Variants in ACOXL observed in about 807,000 individuals in gnomAD.
The protein encoded by ACOXL is acyl-coenzyme A oxidase-like protein.
Under a neutral mutation model 71.9 loss-of-function variants are expected in ACOXL, and 70 were observed. That is an observed-to-expected ratio of 0.97 (90% CI 0.80 to 1.19). The LOEUF is 1.19. ACOXL is among the 50% of genes most tolerant of loss of function. ACOXL has a pLI of 0.00. For missense variants in ACOXL, 703 were observed against 736.3 expected, an observed-to-expected ratio of 0.95 and a Z score of 0.52; for synonymous variants, 253 against 281.6, an observed-to-expected ratio of 0.90 and a Z score of 1.02.
chr2:110,856,143 C>G (rs979097345), intron 10 of ACOXL, among the ~76,000 whole-genome samples: 3 of 152,130 alleles, frequency 2.0e-5, no homozygotes, highest in Non-Finnish European at 2.9e-5. Context: ...GTGCATTTTA[C>G]AATCCGAGCT....
chr2:110,774,419 T>A (rs1682382995), intron 2 of ACOXL, among the ~76,000 whole-genome samples: 1 of 152,192 alleles, frequency 6.6e-6, no homozygotes. Flanking sequence ...CAGGATCTTT[T>A]ATGTAGAAAA....
intron 16 of ACOXL, among the ~76,000 whole-genome samples, chr2:111,085,892 G>T (rs576577731): frequency 6.6e-6 from 1 of 152,064 alleles, no homozygotes; most frequent in South Asian, 2.1e-4. Flanking sequence ...TGTTACCACC[G>T]ACTCCACAGA....
chr2:110,961,849 A>T (rs1337290979), intron 12 of ACOXL, among the ~76,000 whole-genome samples: 1 of 152,202 alleles, frequency 6.6e-6, no homozygotes, highest in Non-Finnish European at 1.5e-5. Context: ...ACTACCCTTC[A>T]TAAAACCATC....
At chr2:111,003,550 C>CAAAAAAAAAAAAAAAAAAAAAAAA (rs548001377) in intron 14 of ACOXL, among the ~76,000 whole-genome samples, 3 of 35,336 alleles carry the variant, frequency 8.5e-5, no homozygotes, top group East Asian at 1.2e-3. Context: ...GACTCTGTCT[C>CAAAAAAAAAAAAAAAAAAAAAAAA]AAAAAAAAAA....
At chr2:111,020,810 A>G (rs113890005) in intron 14 of ACOXL, among the ~76,000 whole-genome samples, 1,613 of 152,210 alleles carry the variant, frequency 0.011, 16 homozygotes, top group South Asian at 0.04. Context: ...TTGGAGCCAT[A>G]TTTATTTGGG....
At chr2:110,885,445 T>A (rs542715620) in intron 10 of ACOXL, among the ~76,000 whole-genome samples, 2 of 152,222 alleles carry the variant, frequency 1.3e-5, no homozygotes, top group Non-Finnish European at 2.9e-5. Context: ...TTGTTTTTGT[T>A]TAGTCACCAC....
At chr2:110,803,489 C>A (rs1686243157) in intron 8 of ACOXL, among the ~76,000 whole-genome samples, 1 of 151,858 alleles carries the variant, frequency 6.6e-6, no homozygotes, top group Non-Finnish European at 1.5e-5. Flanking sequence ...TGAAGTTGGA[C>A]CTTTACTGCC....
chr2:110,912,502 C>A (rs2059683763), intron 11 of ACOXL, among the ~76,000 whole-genome samples: 1 of 152,020 alleles, frequency 6.6e-6, no homozygotes, highest in Non-Finnish European at 1.5e-5. Flanking sequence ...GATGCTAAGA[C>A]AATTCAATGA....
At position 111,076,628 on chromosome 2, in the gene ACOXL, TTTCTC is replaced by T. The variant is rs201711387; in HGVS notation, c.1441-16232_1441-16228del. Among the ~76,000 whole-genome samples, 299 of 152,338 alleles carry T rather than the reference TTTCTC, an allele frequency of 2.0e-3. 4 individuals are homozygous for T. The East Asian group carries it at 0.047, about 24-fold the overall frequency. On this transcript the variant is annotated intron_variant, in intron 16 of 17. Transcript: ENST00000439055. ...GTCTGTCATTTTATTTGTTTTCTGT[TTTCTC>T]TTCTTTTCATTCCTCCATTTCCTCT... is the stretch of plus-strand genomic sequence containing the variant.
intron 17 of ACOXL, among the ~76,000 whole-genome samples, chr2:111,102,714 G>C (rs1313939506): frequency 6.6e-6 from 1 of 152,020 alleles, no homozygotes; most frequent in East Asian, 1.9e-4. Context: ...ATGCAGTTAA[G>C]GATAGTGGAT....
intron 12 of ACOXL, among the ~76,000 whole-genome samples, chr2:110,984,339 A>G (rs2062840995): frequency 6.6e-6 from 1 of 152,156 alleles, no homozygotes; most frequent in South Asian, 2.1e-4. Flanking sequence ...AAACAAGCAC[A>G]TCTTCATTGC....
intron 9 of ACOXL, among the ~76,000 whole-genome samples, chr2:110,832,544 C>CAAAAA (rs769471148): frequency 1.4e-4 from 6 of 44,274 alleles, no homozygotes; most frequent in Non-Finnish European, 2.4e-4. Context: ...GACTCCATCT[C>CAAAAA]AAAAAAAAAA....
At chr2:110,936,411 G>A (rs930838045) in intron 12 of ACOXL, among the ~76,000 whole-genome samples, 6 of 152,018 alleles carry the variant, frequency 3.9e-5, no homozygotes, top group South Asian at 4.1e-4. Context: ...GACTACAGGC[G>A]CATACCACTA....
At chr2:110,882,115 A>G (rs1287210863) in intron 10 of ACOXL, among the ~76,000 whole-genome samples, 1 of 152,048 alleles carries the variant, frequency 6.6e-6, no homozygotes, top group Admixed American at 6.5e-5. Flanking sequence ...GTTGCTCCAC[A>G]CTCTCAACAA....
chr2:110,794,109 G>A lies in ACOXL; in HGVS notation c.280G>A (p.Glu94Lys), dbSNP rs369304472. 4.5e-5 allele frequency: 72 copies of A among 1,614,162 alleles called. 1 individual carries two copies. The highest frequency in any genetic ancestry group is 3.1e-4 in the African/African-American group (23 of 75,050). Residue 94 changes from glutamate (E) to lysine (K), a missense_variant, in exon 5 of 18, where the codon GAG (glutamate) becomes AAG (lysine). Coordinates refer to ENST00000439055, the MANE Select transcript of ACOXL (RefSeq NM_001142807.4). ...ATACACTGGGATGTTTGCAATGACCGAGAGGGGCCATGGGAGCAACGCGAG... is the reference window on the plus strand; with the variant it reads ...ATACACTGGGATGTTTGCAATGACCAAGAGGGGCCATGGGAGCAACGCGAG... Reference protein sequence around the residue: ...QKYTGMFAMTERGHGSNARGI... With the variant: ...QKYTGMFAMTKRGHGSNARGI...
chr2:111,093,776 A>C, intron 17 of ACOXL: 1 of 396,106 alleles, frequency 2.5e-6, no homozygotes, highest in Non-Finnish European at 4.6e-6. Flanking sequence ...AGGCACGAGA[A>C]TCGCTTGAGC....
intron 10 of ACOXL, among the ~76,000 whole-genome samples, chr2:110,881,969 C>T (rs1696705883): frequency 1.3e-5 from 2 of 151,914 alleles, no homozygotes; most frequent in African/African-American, 4.8e-5. Context: ...GGGACATATG[C>T]TATCTTTTCT....
chr2:110,781,675 A>G (rs1431836529), intron 2 of ACOXL, among the ~76,000 whole-genome samples: 1 of 151,908 alleles, frequency 6.6e-6, no homozygotes, highest in African/African-American at 2.4e-5. Flanking sequence ...ATATAAAAAA[A>G]GAAAAAAAAG....
At chr2:110,820,794 G>A (rs758629149) in intron 9 of ACOXL, among the ~76,000 whole-genome samples, 33 of 152,182 alleles carry the variant, frequency 2.2e-4, no homozygotes, top group Non-Finnish European at 4.0e-4. Flanking sequence ...CCCAGATTTG[G>A]AAATTCACCA....
Sources: allele counts gnomAD v4.1 joint callset (sites outside exome capture counted in the v4.1 genomes callset), GRCh38; gene constraint gnomAD v4.1.1; transcripts MANE v1.5; gene names NCBI Gene and HGNC (gene_info 2026-07-23, HGNC 2026-07-21).